The following C12orf56 variants were observed in gnomAD, a reference collection of about 807,000 sequenced individuals.
The protein encoded by C12orf56 is uncharacterized protein C12orf56.
A neutral mutation model predicts 69.9 loss-of-function variants in C12orf56; 71 were observed. That is an observed-to-expected ratio of 1.02 (90% CI 0.84 to 1.24). The LOEUF (loss-of-function observed/expected upper bound fraction) is 1.24. C12orf56 is among the 50% of genes most tolerant of loss of function. The pLI is 0.00. For synonymous variants in C12orf56, 276 were observed against 274.1 expected (o/e 1.01, Z -0.07); for missense variants, 732 against 738.5 (o/e 0.99, Z 0.10).
chr12:64,269,658 A>G (rs902477845), intron 12 of C12orf56, among the ~76,000 whole-genome samples: 4 of 151,720 alleles, frequency 2.6e-5, no homozygotes, highest in Admixed American at 6.6e-5. Flanking sequence ...GCATGATCTC[A>G]GCTCACTGCA....
At chr12:64,331,589 A>T (rs978724074) in intron 2 of C12orf56, among the ~76,000 whole-genome samples, 1 of 152,200 alleles carries the variant, frequency 6.6e-6, no homozygotes, top group Admixed American at 6.5e-5. Context: ...AAATGGGATT[A>T]GTACCCTTAT....
At chr12:64,347,994 A>C (rs374215033) in intron 2 of C12orf56, among the ~76,000 whole-genome samples, 1 of 152,182 alleles carries the variant, frequency 6.6e-6, no homozygotes, top group Non-Finnish European at 1.5e-5. Flanking sequence ...AGGCTATTAC[A>C]TGGACTGGGC....
At chr12:64,326,580 C>CA (rs1322949650) in intron 3 of C12orf56, among the ~76,000 whole-genome samples, 2 of 151,674 alleles carry the variant, frequency 1.3e-5, no homozygotes, top group Admixed American at 6.6e-5. Context: ...ACTAAAAATA[C>CA]AAAAAAATTA....
intron 1 of C12orf56, among the ~76,000 whole-genome samples, chr12:64,388,581 T>TA (rs981821572): frequency 5.3e-5 from 8 of 152,106 alleles, no homozygotes; most frequent in East Asian, 3.9e-4. Context: ...AAATTTAAAT[T>TA]AAAAAAAAAT....
rs200351319 is a variant in C12orf56 at position 64,276,993 on chromosome 12, T to TAAAAAAAAAAAAAAAAAA, written c.1434+669_1434+686dup. ...TGGGCAACAGAGTGAAACCCTTTCT[T>TAAAAAAAAAAAAAAAAAA]AAAAAAAAAAAAAAAAAAAAAAATT... On this transcript the variant is annotated intron_variant, in intron 9 of 12. Coordinates refer to ENST00000543942, the MANE Select transcript of C12orf56 (RefSeq NM_001170633.2). Among the ~76,000 whole-genome samples the TAAAAAAAAAAAAAAAAAA allele has an allele frequency of 3.5e-4, 24 of 69,212 alleles. 2 individuals carry two copies. Among genetic ancestry groups the TAAAAAAAAAAAAAAAAAA allele is most frequent in the African/African-American group, 1.1e-3 (19 of 17,388 alleles). 45.4% of individuals were successfully genotyped at this position (69,212 alleles called of 152,430 possible). A position where few individuals can be genotyped will look rare whatever the true frequency, so the allele number is the denominator to read the frequency against.
At chr12:64,321,642 C>T (rs2038775196) in intron 3 of C12orf56, among the ~76,000 whole-genome samples, 1 of 151,984 alleles carries the variant, frequency 6.6e-6, no homozygotes, top group Non-Finnish European at 1.5e-5. Flanking sequence ...CCCCAGCCTA[C>T]AATTTCTTAA....
chr12:64,312,034 A>G (rs1025212976), intron 5 of C12orf56, among the ~76,000 whole-genome samples: 14 of 152,132 alleles, frequency 9.2e-5, no homozygotes, highest in African/African-American at 3.1e-4. Flanking sequence ...TGGATGCTGG[A>G]AATGGTGAAG....
intron 11 of C12orf56, among the ~76,000 whole-genome samples, chr12:64,274,652 T>C (rs2038028086): frequency 6.6e-6 from 1 of 152,256 alleles, no homozygotes; most frequent in South Asian, 2.1e-4. Flanking sequence ...TTCTGTTTTC[T>C]ACATGTATCT....
In C12orf56 at chr12:64,305,845, A is replaced by T. The variant is rs911594729; in HGVS notation, c.969-2066T>A. On this transcript the variant is annotated intron_variant, in intron 5 of 12. Transcript: ENST00000543942. Reference sequence around the variant, plus strand: ...TAAAAAGTAACTATGAAATCCCTCTATTCTCTGAGAACTCCAACAACAGAA... The same window carrying T: ...TAAAAAGTAACTATGAAATCCCTCTTTTCTCTGAGAACTCCAACAACAGAA... Among the ~76,000 whole-genome samples, 4 of 152,206 alleles carry T rather than the reference A, an allele frequency of 2.6e-5. No individual in the cohort carries two copies. In the East Asian group the frequency reaches 7.7e-4, roughly 29 times the overall value.
intron 1 of C12orf56, among the ~76,000 whole-genome samples, chr12:64,360,747 A>C (rs2039388886): frequency 6.6e-6 from 1 of 152,174 alleles, no homozygotes; most frequent in Non-Finnish European, 1.5e-5. Flanking sequence ...TTTTATCCAG[A>C]CCCTTTTTAG....
At chr12:64,331,988 C>G (rs2038936739) in intron 2 of C12orf56, among the ~76,000 whole-genome samples, 1 of 151,336 alleles carries the variant, frequency 6.6e-6, no homozygotes, top group African/African-American at 2.4e-5. Flanking sequence ...TTGCTCCTTC[C>G]ATGAAATGAA....
At chr12:64,373,311 CTGGGTGTGG>C (rs1427410788) in intron 1 of C12orf56, among the ~76,000 whole-genome samples, 29 of 151,922 alleles carry the variant, frequency 1.9e-4, no homozygotes, top group Admixed American at 1.9e-3. Context: ...GAAAAATTAG[CTGGGTGTGG>C]TGGCATGTAC....
chr12:64,297,559 A>G (rs530067990), intron 6 of C12orf56, among the ~76,000 whole-genome samples: 7 of 152,128 alleles, frequency 4.6e-5, no homozygotes, highest in South Asian at 2.1e-4. Flanking sequence ...ACAGGCCCCA[A>G]TGTGTGATGT....
rs116024464 is a variant in C12orf56 at position 64,284,766 on chromosome 12, C to T, written c.1221-13G>A. On this transcript the variant is annotated splice_polypyrimidine_tract_variant and intron_variant, in intron 7 of 12. Coordinates refer to ENST00000543942, the MANE Select transcript of C12orf56 (RefSeq NM_001170633.2). Reference sequence around the variant, plus strand: ...TTCAATGCATGCCCTAGAAAATAAACGATAAAAGGCAAAGAAATGGCATGA... The same window carrying T: ...TTCAATGCATGCCCTAGAAAATAAATGATAAAAGGCAAAGAAATGGCATGA... 1.8e-5 allele frequency: 28 copies of T among 1,549,698 alleles called. No individual in the cohort carries two copies. The highest frequency in any genetic ancestry group is 1.7e-4 in the Middle Eastern group (1 of 5,886).
intron 2 of C12orf56, among the ~76,000 whole-genome samples, chr12:64,348,904 G>A (rs983944313): frequency 3.3e-5 from 5 of 152,154 alleles, no homozygotes; most frequent in African/African-American, 9.7e-5. Flanking sequence ...AAAGAAAAAC[G>A]TAAGGACTCA....
intron 6 of C12orf56, 149 bp from the exon 7 acceptor site, chr12:64,286,209 A>G: frequency 5.2e-6 from 3 of 577,846 alleles, no homozygotes; most frequent in African/African-American, 1.9e-5. Flanking sequence ...AGCATAACCC[A>G]AATTGGAAAC....
At position 64,352,972 on chromosome 12, in the gene C12orf56, TC is replaced by T; in HGVS notation, c.336del (p.Glu115SerfsTer43). 6.2e-7 allele frequency: 1 copy of T among 1,613,516 alleles called. No homozygotes were observed. The highest frequency in any genetic ancestry group is 8.5e-7 in the Non-Finnish European group (1 of 1,179,764). On this transcript the variant is annotated frameshift_variant, in exon 2 of 13. Transcript: ENST00000543942. LOFTEE classifies it high-confidence loss of function. ...CTGTTTGACTTTTTACACTCTTTTT[TC>T]AAAACGGTTGAAGAATAGATGATAC... is the stretch of plus-strand genomic sequence containing the variant. ...HIRIIYSSTV[L>X]KKECKKSNSV...
chr12:64,275,759 T>C (rs1482480401), intron 9 of C12orf56, among the ~76,000 whole-genome samples: 1 of 152,044 alleles, frequency 6.6e-6, no homozygotes. Flanking sequence ...TGTGCCACCA[T>C]GCCCAGGTAA....
In C12orf56 at chr12:64,274,104, G is replaced by A. The variant is rs776664422; in HGVS notation, c.1584+797C>T. On this transcript the variant is annotated intron_variant, in intron 11 of 12. Coordinates refer to ENST00000543942, the MANE Select transcript of C12orf56 (RefSeq NM_001170633.2). ...CCCCTGTCACGGGGGGCAGAGAAGC[G>A]TCCTCCACTGCCACACCCCAGGAAG... Among the ~76,000 whole-genome samples the A allele has an allele frequency of 8.5e-5, 13 of 152,354 alleles. 1 individual carries two copies. The South Asian group carries it at 1.0e-3, about 12-fold the overall frequency.
Sources: gnomAD v4.1 joint callset for allele counts (sites outside exome capture counted in the v4.1 genomes callset) on GRCh38, gnomAD v4.1.1 for gene constraint, MANE v1.5 for transcripts, NCBI Gene and HGNC (gene_info 2026-07-23, HGNC 2026-07-21) for gene names.